FARS2: variants seen among roughly 807,000 people sequenced by gnomAD.
FARS2 encodes the protein phenylalanyl-tRNA synthetase 2, mitochondrial, also known as phenylalanine--tRNA ligase, mitochondrial.
Under a neutral mutation model 46.4 loss-of-function variants are expected in FARS2, and 40 were observed. The observed-to-expected ratio is 0.86, with a 90% CI of 0.67 to 1.12. The LOEUF (loss-of-function observed/expected upper bound fraction) is 1.12, where lower values mean the gene tolerates loss of function less well. Among genes scored for constraint, FARS2 ranks in the 50% most tolerant of loss-of-function variants. The pLI, the probability that FARS2 is intolerant of heterozygous loss-of-function variation, is 0.00. For synonymous variants in FARS2, 234 were observed against 214.9 expected, an observed-to-expected ratio of 1.09 and a Z score of -0.78; for missense variants, 513 against 567.9, an observed-to-expected ratio of 0.90 and a Z score of 0.98.
In FARS2 at chr6:5,701,003, T is replaced by C. The variant is rs373699347; in HGVS notation, c.1218-70288T>C. ...AAGGTGTTAATTTCTAACAAGACTTTTATGAGCACAGCAAGCAGCAGTTGC... is the reference window on the plus strand; with the variant it reads ...AAGGTGTTAATTTCTAACAAGACTTCTATGAGCACAGCAAGCAGCAGTTGC... On this transcript the variant is annotated intron_variant, in intron 6 of 6. Coordinates refer to ENST00000274680, the MANE Select transcript of FARS2 (RefSeq NM_006567.5). Among the ~76,000 whole-genome samples the C allele has an allele frequency of 3.7e-4, 57 of 152,356 alleles. No individual in the cohort carries two copies. The East Asian group carries it at 8.7e-3, about 23-fold the overall frequency.
intron 1 of FARS2, among the ~76,000 whole-genome samples, chr6:5,318,609 A>T (rs1272709454): frequency 6.6e-6 from 1 of 152,176 alleles, no homozygotes; most frequent in Non-Finnish European, 1.5e-5. Context: ...AAAAGCAGAG[A>T]TTTATTTTAA....
chr6:5,696,220 C>G (rs1029354243), intron 6 of FARS2, among the ~76,000 whole-genome samples: 2 of 152,160 alleles, frequency 1.3e-5, no homozygotes, highest in African/African-American at 4.8e-5. Context: ...TTCAAAGATA[C>G]GGGTACTGCA....
chr6:5,539,078 G>A (rs572141283), intron 4 of FARS2, among the ~76,000 whole-genome samples: 1 of 152,184 alleles, frequency 6.6e-6, no homozygotes, highest in African/African-American at 2.4e-5. Flanking sequence ...AGAAGAGGGT[G>A]TCCCTACTGA....
At chr6:5,685,346 A>T (rs1757115613) in intron 6 of FARS2, among the ~76,000 whole-genome samples, 1 of 152,164 alleles carries the variant, frequency 6.6e-6, no homozygotes, top group Non-Finnish European at 1.5e-5. Context: ...TATTGAAAAG[A>T]TTTAGGTGGG....
At chr6:5,596,144 A>G (rs1383178545) in intron 5 of FARS2, among the ~76,000 whole-genome samples, 2 of 152,208 alleles carry the variant, frequency 1.3e-5, no homozygotes, top group Non-Finnish European at 2.9e-5. Flanking sequence ...CCTAAGAGAT[A>G]GGAGAGGTGC....
intron 6 of FARS2, among the ~76,000 whole-genome samples, chr6:5,685,240 G>T (rs544024386): frequency 6.6e-6 from 1 of 152,148 alleles, no homozygotes; most frequent in Non-Finnish European, 1.5e-5. Context: ...TCCCTTGTAC[G>T]TATAGTTGCT....
chr6:5,717,276 G>C (rs9502332), intron 6 of FARS2, among the ~76,000 whole-genome samples: 3,258 of 152,074 alleles, frequency 0.021, 117 homozygotes, highest in African/African-American at 0.075. Context: ...GTGCCCCAAT[G>C]TTGTAACAAA....
chr6:5,737,301 G>A (rs1481929558), intron 6 of FARS2, among the ~76,000 whole-genome samples: 2 of 152,234 alleles, frequency 1.3e-5, no homozygotes, highest in African/African-American at 4.8e-5. Context: ...GGGAGGCCAA[G>A]GTGGGTGGAT....
chr6:5,253,428 T>G, the FARS2 span, among the ~76,000 whole-genome samples: 29 of 134,636 alleles, frequency 2.2e-4, no homozygotes, highest in Admixed American at 1.6e-3. Flanking sequence ...CAATTCTCAG[T>G]TTTTTTTTTT....
At chr6:5,554,899 A>T (rs1771569631) in intron 5 of FARS2, among the ~76,000 whole-genome samples, 1 of 151,546 alleles carries the variant, frequency 6.6e-6, no homozygotes, top group South Asian at 2.1e-4. Flanking sequence ...GAGTAAGGTG[A>T]ACTTGGTCCC....
intron 4 of FARS2, among the ~76,000 whole-genome samples, chr6:5,506,592 G>T (rs1016022709): frequency 6.6e-6 from 1 of 152,166 alleles, no homozygotes; most frequent in Non-Finnish European, 1.5e-5. Context: ...TCCCACCACT[G>T]CCTAAGATTC....
chr6:5,675,135 G>T (rs924553216), intron 6 of FARS2, among the ~76,000 whole-genome samples: 6 of 151,982 alleles, frequency 3.9e-5, no homozygotes, highest in African/African-American at 1.5e-4. Flanking sequence ...GGTGAAGAAG[G>T]TGTTTGATAA....
chr6:5,355,335 C>T (rs1260498811), intron 1 of FARS2, among the ~76,000 whole-genome samples: 1 of 151,090 alleles, frequency 6.6e-6, no homozygotes, highest in Admixed American at 6.6e-5. Context: ...ACTGTTTGAA[C>T]CCAAAGGATA....
At chr6:5,657,456 A>G (rs1319666011) in intron 6 of FARS2, among the ~76,000 whole-genome samples, 1 of 152,220 alleles carries the variant, frequency 6.6e-6, no homozygotes, top group Non-Finnish European at 1.5e-5. Context: ...AATCATTGAA[A>G]TATTTGCCCT....
At chr6:5,481,358 G>GAGC (rs1766445644) in intron 4 of FARS2, among the ~76,000 whole-genome samples, 1 of 152,206 alleles carries the variant, frequency 6.6e-6, no homozygotes, top group African/African-American at 2.4e-5. Flanking sequence ...AGCTAGTTAA[G>GAGC]GCTGCCCATG....
chr6:5,343,217 T>C lies in FARS2; in HGVS notation c.-21-25333T>C, dbSNP rs1756994651. Among the ~76,000 whole-genome samples the C allele has an allele frequency of 6.6e-6, 1 of 152,174 alleles. No homozygotes were observed. The highest frequency in any genetic ancestry group is 2.4e-5 in the African/African-American group (1 of 41,436). ...ACTGTACATTTCATTTATTTATCTATTTATTTATTTAGAGATGGAATTTCG... is the reference window on the plus strand; with the variant it reads ...ACTGTACATTTCATTTATTTATCTACTTATTTATTTAGAGATGGAATTTCG... On this transcript the variant is annotated intron_variant, in intron 1 of 6. Transcript: ENST00000274680. The surrounding 1 kb of genome is among the most constrained non-coding windows in gnomAD (Gnocchi z 4.5).
chr6:5,431,674 G>C, intron 4 of FARS2: 2 of 532,992 alleles, frequency 3.8e-6, no homozygotes, highest in Non-Finnish European at 7.7e-6. Flanking sequence ...CATAGGCGGC[G>C]CCACCTGACT....
At chr6:5,416,675 T>C (rs1402021242) in intron 3 of FARS2, among the ~76,000 whole-genome samples, 3 of 152,270 alleles carry the variant, frequency 2.0e-5, no homozygotes, top group African/African-American at 4.8e-5. Context: ...TTGCTTTCTA[T>C]GAGTAACATT....
At chr6:5,406,753 G>A (rs1275536050) in intron 3 of FARS2, among the ~76,000 whole-genome samples, 2 of 150,830 alleles carry the variant, frequency 1.3e-5, no homozygotes, top group East Asian at 3.9e-4. Context: ...TTTCTGGGTC[G>A]TACGTTTTCA....
Sources: allele counts gnomAD v4.1 joint callset (sites outside exome capture counted in the v4.1 genomes callset), GRCh38; gene constraint gnomAD v4.1.1; non-coding constraint Gnocchi (gnomAD v3.1); transcripts MANE v1.5; gene names NCBI Gene and HGNC (gene_info 2026-07-23, HGNC 2026-07-21).